The following VPS13C variants were observed in gnomAD, a reference collection of about 807,000 sequenced individuals.
VPS13C encodes the protein vacuolar protein sorting 13 homolog C.
Under a neutral mutation model 456.8 loss-of-function variants are expected in VPS13C, and 358 were observed. The observed-to-expected ratio is 0.78, with a 90% confidence interval of 0.72 to 0.86. The LOEUF (loss-of-function observed/expected upper bound fraction) is 0.86, where lower values mean the gene tolerates loss of function less well. Among genes scored for constraint, VPS13C ranks in the 40% least tolerant of loss-of-function variants. The probability of loss-of-function intolerance (pLI) is 0.00; values close to 1 mark genes in which losing one functional copy is unlikely to be tolerated. For synonymous variants in VPS13C, 1,578 were observed against 1,486.7 expected (o/e 1.06, Z -1.41); for missense variants, 4,818 against 4,385.4 (o/e 1.10, Z -2.79).
chr15:61,889,886 C>A (rs2042598182), intron 67 of VPS13C, among the ~76,000 whole-genome samples: 1 of 152,048 alleles, frequency 6.6e-6, no homozygotes, highest in Admixed American at 6.6e-5. Flanking sequence ...CACACACACA[C>A]ACACACGCAC....
intron 1 of VPS13C, among the ~76,000 whole-genome samples, chr15:62,057,397 GCAATATTTTGAAAGA>G (rs1285476822): frequency 6.6e-6 from 1 of 152,092 alleles, no homozygotes; most frequent in Non-Finnish European, 1.5e-5. Flanking sequence ...AATTTCTTTA[GCAATATTTTGAAAGA>G]ACAGGAAAAA....
At chr15:61,924,490 T>C (rs533462603) in intron 53 of VPS13C, among the ~76,000 whole-genome samples, 2 of 152,314 alleles carry the variant, frequency 1.3e-5, no homozygotes, top group East Asian at 3.9e-4. Flanking sequence ...ATTTTTTTAA[T>C]ACACAGTAAA....
chr15:62,032,325 A>G (rs1450103940), intron 5 of VPS13C, among the ~76,000 whole-genome samples: 1 of 151,758 alleles, frequency 6.6e-6, no homozygotes, highest in African/African-American at 2.4e-5. Context: ...AAAGTTATAC[A>G]AATAAAGAAA....
chr15:61,946,610 A>C (rs28665487), intron 43 of VPS13C, among the ~76,000 whole-genome samples, 200 bp from the exon 44 acceptor site: 116 of 151,432 alleles, frequency 7.7e-4, no homozygotes, highest in African/African-American at 2.6e-3. Context: ...TAAGGGACAC[A>C]GGCATCTCCT....
At chr15:62,037,243 TATAATATATTTA>T (rs2048041541) in intron 3 of VPS13C, among the ~76,000 whole-genome samples, 1 of 27,756 alleles carries the variant, frequency 3.6e-5, no homozygotes, top group African/African-American at 1.5e-4. Flanking sequence ...TATAAATATA[TATAATATATTTA>T]TATATATTAT....
chr15:62,000,527 T>C (rs1221933127), intron 16 of VPS13C, 37 bp downstream of exon 16: 48 of 1,577,926 alleles, frequency 3.0e-5, no homozygotes, highest in Non-Finnish European at 4.0e-5. Flanking sequence ...GGCATTAACA[T>C]GTTTAAAACA....
intron 79 of VPS13C, 91 bp downstream of exon 79, chr15:61,871,894 CTCAA>C (rs1177215852): frequency 2.5e-5 from 27 of 1,086,574 alleles, no homozygotes; most frequent in Non-Finnish European, 3.6e-5. Flanking sequence ...CAGTAATTTT[CTCAA>C]TCAAGTATAT....
intron 48 of VPS13C, 75 bp downstream of exon 48, chr15:61,936,522 C>A: frequency 7.1e-7 from 1 of 1,401,434 alleles, no homozygotes; most frequent in Non-Finnish European, 9.5e-7. Context: ...TGCTGGACAG[C>A]TAGAAAAATA....
At chr15:61,980,383 G>T (rs1440066909) in intron 22 of VPS13C, among the ~76,000 whole-genome samples, 1 of 152,050 alleles carries the variant, frequency 6.6e-6, no homozygotes, top group African/African-American at 2.4e-5. Context: ...TCTGCCTGTT[G>T]ACTTTCTGGA....
chr15:61,892,109 T>TG (rs2042669862), intron 66 of VPS13C, among the ~76,000 whole-genome samples: 1 of 152,180 alleles, frequency 6.6e-6, no homozygotes, highest in Non-Finnish European at 1.5e-5. Flanking sequence ...AAACCACTCC[T>TG]GGCTCAGCCC....
At chr15:61,993,185 C>A (rs1345878803) in intron 16 of VPS13C, among the ~76,000 whole-genome samples, 1 of 152,034 alleles carries the variant, frequency 6.6e-6, no homozygotes, top group Non-Finnish European at 1.5e-5. Context: ...ACAGTTTTTA[C>A]AAATCTAAAA....
In VPS13C at chr15:62,004,812, T is replaced by C. The variant is rs4453416; in HGVS notation, c.1290+2496A>G. Among the ~76,000 whole-genome samples the C allele has an allele frequency of 1.5e-3, 232 of 152,130 alleles. 4 individuals are homozygous for C. In the East Asian group the frequency reaches 0.042, roughly 27 times the overall value. On this transcript the variant is annotated intron_variant, in intron 15 of 84. Coordinates refer to ENST00000644861, the MANE Select transcript of VPS13C (RefSeq NM_020821.3). ...TCATTCAGGAGCAGGTTGTTCAGTT[T>C]CCATGTAGTTGAGCGGTTTTGAGTG... is the stretch of plus-strand genomic sequence containing the variant.
chr15:61,875,734 G>A lies in VPS13C; in HGVS notation c.10336C>T (p.Gln3446Ter), dbSNP rs1895371454. ...TAGAACAAATAAGAGGTCAATACCTGGAAGGGTTCATAGAATAAAGCTTCA... is the reference window on the plus strand; with the variant it reads ...TAGAACAAATAAGAGGTCAATACCTAGAAGGGTTCATAGAATAAAGCTTCA... The part of the protein sequence containing the change: ...GVEALFYEPF[Q>*]GAVQGPEEFA... The change falls in exon 76 of 85, where the codon CAG (glutamine) becomes TAG (stop). Residue 3446 changes from glutamine to a stop codon, truncating the protein, a stop_gained and splice_region_variant. Transcript: ENST00000644861. LOFTEE classifies it high-confidence loss of function. The A allele has an allele frequency of 1.2e-6, 2 of 1,607,028 alleles. No homozygotes were observed. Among genetic ancestry groups the A allele is most frequent in the African/African-American group, 2.7e-5 (2 of 74,462 alleles).
At position 62,034,969 on chromosome 15, in the gene VPS13C, C is replaced by A. The variant is rs1260567567; in HGVS notation, c.271G>T (p.Val91Phe). 1.3e-6 allele frequency: 2 copies of A among 1,592,780 alleles called. No homozygotes were observed. Among genetic ancestry groups the A allele is most frequent in the Non-Finnish European group, 1.7e-6 (2 of 1,168,532 alleles). ...TAAAATAACATACTTGCTCCAGGGA[C>A]AACAAGCAGGTATAATCCTTCCAGG... ...ATLEGLYLLV[V>F]PGASIKYDAV... The change falls in exon 4 of 85, where the codon GTC (valine) becomes TTC (phenylalanine). Residue 91 changes from valine (V) to phenylalanine (F), a missense_variant. Val to Phe is a conservative substitution (Grantham distance 50, BLOSUM62 -1). Transcript: ENST00000644861.
intron 63 of VPS13C, among the ~76,000 whole-genome samples, chr15:61,911,406 T>C (rs772538567): frequency 9.8e-5 from 15 of 152,344 alleles, no homozygotes; most frequent in Non-Finnish European, 1.8e-4. Context: ...TTTAGCTAAT[T>C]TTCAAAGAAA....
At chr15:61,962,992 TA>T in intron 32 of VPS13C, 140 bp from the exon 33 acceptor site, 1 of 537,754 alleles carries the variant, frequency 1.9e-6, no homozygotes, top group Non-Finnish European at 3.1e-6. Flanking sequence ...TAAGTTGCAA[TA>T]TTAGAGTTTT....
Position 61,925,407 on chromosome 15 carries a change from C to T in VPS13C, c.6609+49G>A, listed in dbSNP as rs1306656043. 14 of 1,162,758 alleles carry T rather than the reference C, an allele frequency of 1.2e-5. No individual in the cohort carries two copies. The African/African-American group carries it at 1.3e-4, about 11-fold the overall frequency. 72.0% of individuals were successfully genotyped at this position (1,162,758 alleles called of 1,614,324 possible). A position where few individuals can be genotyped will look rare whatever the true frequency, so the allele number is the denominator to read the frequency against. On this transcript the variant is annotated intron_variant, in intron 53 of 84. Coordinates refer to ENST00000644861, the MANE Select transcript of VPS13C (RefSeq NM_020821.3). ...TGTCTCAACTGCAAATATGCAATGT[C>T]GTGAAGAAAAATAAGAATTTTCACT...
intron 66 of VPS13C, among the ~76,000 whole-genome samples, chr15:61,890,812 T>A (rs766890733): frequency 4.6e-5 from 7 of 152,106 alleles, no homozygotes; most frequent in Non-Finnish European, 1.0e-4. Flanking sequence ...TTTTGGAGGC[T>A]GAAGCGGGCA....
At chr15:61,908,888 AC>A in intron 65 of VPS13C, 103 bp downstream of exon 65, 1 of 1,359,954 alleles carries the variant, frequency 7.4e-7, no homozygotes, top group Non-Finnish European at 1.0e-6. Flanking sequence ...GTTCCATATC[AC>A]CTTTCTAAAA....
Sources: allele counts gnomAD v4.1 joint callset (sites outside exome capture counted in the v4.1 genomes callset), GRCh38; gene constraint gnomAD v4.1.1; transcripts MANE v1.5; gene names NCBI Gene and HGNC (gene_info 2026-07-23, HGNC 2026-07-21).